DYNLT5: variants seen among roughly 807,000 people sequenced by gnomAD.
DYNLT5 encodes dynein light chain Tctex-type family member 5.
Under a neutral mutation model 19.3 loss-of-function variants are expected in DYNLT5, and 25 were observed. The observed-to-expected ratio is 1.30, with a 90% CI of 0.95 to 1.81. The LOEUF (loss-of-function observed/expected upper bound fraction) is 1.81, where lower values mean the gene tolerates loss of function less well. Ranked by LOEUF, DYNLT5 falls within the 40% of genes most tolerant of loss-of-function variation. DYNLT5 has a pLI of 0.00. For synonymous variants in DYNLT5, 82 were observed against 68.9 expected (o/e 1.19, Z -0.94); for missense variants, 232 against 217.9 (o/e 1.06, Z -0.41).
rs775360036 is a variant in DYNLT5 at position 66,754,721 on chromosome 1, T to G, written c.63T>G (p.Ile21Met). ...AAHSWKKRGS[I>M]SSLSNHEFWR... is the part of the protein sequence containing the mutation. The stretch of plus-strand genomic sequence containing the variant: ...ATTCATGGAAGAAAAGAGGGAGTAT[T>G]TCTTCTCTAAGTAATCATGAATTTT... The change falls in exon 2 of 5, where the codon ATT becomes ATG. Residue 21 changes from isoleucine to methionine, a missense_variant. By Grantham distance (10) the Ile-to-Met change is conservative. Transcript: ENST00000282670. 6.2e-7 allele frequency: 1 copy of G among 1,613,400 alleles called. No homozygotes were observed. Among genetic ancestry groups the G allele is most frequent in the Non-Finnish European group, 8.5e-7 (1 of 1,179,806 alleles).
chr1:66,754,960 G>A (rs1305780931), intron 2 of DYNLT5, among the ~76,000 whole-genome samples, 183 bp downstream of exon 2: 4 of 152,104 alleles, frequency 2.6e-5, no homozygotes, highest in African/African-American at 7.2e-5. Flanking sequence ...TAAGTGATAA[G>A]TTAATCCTAG....
intron 3 of DYNLT5, among the ~76,000 whole-genome samples, chr1:66,773,268 G>A (rs1021035142): frequency 6.6e-6 from 1 of 152,078 alleles, no homozygotes; most frequent in African/African-American, 2.4e-5. Context: ...AAGACAGCCT[G>A]CCTTGAGAAT....
At chr1:66,757,174 T>G (rs1257210760) in intron 2 of DYNLT5, among the ~76,000 whole-genome samples, 3 of 152,140 alleles carry the variant, frequency 2.0e-5, no homozygotes, top group Non-Finnish European at 2.9e-5. Context: ...ACATGAAGAG[T>G]AAAGGTAGAC....
At chr1:66,771,696 G>C (rs1645205071) in intron 3 of DYNLT5, among the ~76,000 whole-genome samples, 1 of 152,162 alleles carries the variant, frequency 6.6e-6, no homozygotes, top group Admixed American at 6.5e-5. Context: ...AGCTAAGTTT[G>C]GGTCAGGTTT....
chr1:66,776,230 G>A (rs1197164186), intron 3 of DYNLT5, 49 bp from the exon 4 acceptor site: 7 of 1,596,296 alleles, frequency 4.4e-6, no homozygotes, highest in Non-Finnish European at 4.3e-6. Context: ...GGGTGGGTGG[G>A]TGTGATTTGA....
At chr1:66,756,162 T>A (rs1488865570) in intron 2 of DYNLT5, among the ~76,000 whole-genome samples, 1 of 152,182 alleles carries the variant, frequency 6.6e-6, no homozygotes, top group Non-Finnish European at 1.5e-5. Context: ...ATCAACACAT[T>A]AGGATAGATT....
chr1:66,755,507 T>A (rs2094634626), intron 2 of DYNLT5, among the ~76,000 whole-genome samples: 1 of 152,172 alleles, frequency 6.6e-6, no homozygotes, highest in South Asian at 2.1e-4. Flanking sequence ...TAGACTTTCG[T>A]TCTTAGTTTC....
At position 66,752,573 on chromosome 1, in the gene DYNLT5, T is replaced by C. The variant is rs2094627275; in HGVS notation, c.-15T>C. The C allele has an allele frequency of 1.0e-6, 1 of 985,368 alleles. No individual in the cohort carries two copies. Among genetic ancestry groups the C allele is most frequent in the Non-Finnish European group, 1.2e-6 (1 of 829,976 alleles). 61.0% of individuals were successfully genotyped at this position (985,368 alleles called of 1,614,324 possible). On this transcript the variant is annotated 5_prime_UTR_variant, in exon 1 of 5. Transcript: ENST00000282670. ...GGTCTGGGAGGCTCCGGGCGAAGCCTCCCTGCTGCAGGTAGGGTCGCCTCT... is the reference window on the plus strand; with the variant it reads ...GGTCTGGGAGGCTCCGGGCGAAGCCCCCCTGCTGCAGGTAGGGTCGCCTCT...
intron 4 of DYNLT5, 57 bp downstream of exon 4, chr1:66,776,460 A>C: frequency 1.1e-5 from 17 of 1,535,220 alleles, no homozygotes; most frequent in Non-Finnish European, 1.4e-5. Flanking sequence ...GCTAAAGTAC[A>C]ACGGACCCTC....
chr1:66,777,355 A>T lies in DYNLT5; in HGVS notation c.441A>T (p.Arg147Ser). Reference sequence around the variant, plus strand: ...GGCAGAGCATACTTATTGGAAGCAGATGCCTCTGGGATCCTAAAAGTGATA... The same window carrying T: ...GGCAGAGCATACTTATTGGAAGCAGTTGCCTCTGGGATCCTAAAAGTGATA... ...LNRQSILIGS[R>S]CLWDPKSDTF... The change falls in exon 5 of 5, where the codon AGA becomes AGT. Residue 147 changes from arginine to serine, a missense_variant. Transcript: ENST00000282670. 1.2e-6 allele frequency: 2 copies of T among 1,614,012 alleles called. No homozygotes were observed. Among genetic ancestry groups the T allele is most frequent in the Non-Finnish European group, 1.7e-6 (2 of 1,179,924 alleles).
Position 66,757,695 on chromosome 1 carries a change from A to G in DYNLT5, c.119+2918A>G, listed in dbSNP as rs535336166. Among the ~76,000 whole-genome samples the G allele has an allele frequency of 9.2e-5, 14 of 152,290 alleles. No homozygotes were observed. The South Asian group carries it at 2.9e-3, about 32-fold the overall frequency. ...GATGAACCTTATTTATGTATCATAG[A>G]AGCTCCATAATAGGAGTTGGCAAAC... On this transcript the variant is annotated intron_variant, in intron 2 of 4. Coordinates refer to ENST00000282670, the MANE Select transcript of DYNLT5 (RefSeq NM_152665.3).
chr1:66,769,141 G>T (rs1645186778), intron 2 of DYNLT5, among the ~76,000 whole-genome samples: 1 of 152,090 alleles, frequency 6.6e-6, no homozygotes, highest in Non-Finnish European at 1.5e-5. Flanking sequence ...AGCCAGTGTG[G>T]CCAAACAGGC....
intron 3 of DYNLT5, among the ~76,000 whole-genome samples, chr1:66,775,930 T>G (rs1037690261): frequency 6.6e-6 from 1 of 152,064 alleles, no homozygotes; most frequent in African/African-American, 2.4e-5. Flanking sequence ...ATCTGGTAGA[T>G]AGATTGGAGC....
chr1:66,767,920 C>A (rs1423984268), intron 2 of DYNLT5, among the ~76,000 whole-genome samples: 2 of 152,136 alleles, frequency 1.3e-5, no homozygotes, highest in Non-Finnish European at 2.9e-5. Context: ...ACTCATAAGC[C>A]ACATAGGCCA....
At chr1:66,764,715 A>T (rs565905436) in intron 2 of DYNLT5, among the ~76,000 whole-genome samples, 1 of 152,376 alleles carries the variant, frequency 6.6e-6, no homozygotes, top group Admixed American at 6.5e-5. Context: ...GCTCAATGCA[A>T]GGTTGCCACA....
chr1:66,758,814 A>G (rs2094640843), intron 2 of DYNLT5, among the ~76,000 whole-genome samples: 1 of 152,170 alleles, frequency 6.6e-6, no homozygotes, highest in Non-Finnish European at 1.5e-5. Context: ...AACAGTAATG[A>G]ATTTATTCTA....
chr1:66,756,459 A>G (rs1041133289), intron 2 of DYNLT5, among the ~76,000 whole-genome samples: 1 of 152,224 alleles, frequency 6.6e-6, no homozygotes, highest in African/African-American at 2.4e-5. Flanking sequence ...CTTAGTGACT[A>G]TCAAATACAG....
rs2150870346 is a variant in DYNLT5 at position 66,777,533 on chromosome 1, A to G, written c.*79A>G. The G allele has an allele frequency of 1.6e-6, 2 of 1,253,118 alleles. No homozygotes were observed. Among genetic ancestry groups the G allele is most frequent in the Non-Finnish European group, 2.2e-6 (2 of 909,234 alleles). 77.6% of individuals were successfully genotyped at this position (1,253,118 alleles called of 1,614,324 possible). Reference sequence around the variant, plus strand: ...GTCTGTACACAAAAGTTTTACTGCCAAAAACTTTGAGAAAGAAACAACACT... The same window carrying G: ...GTCTGTACACAAAAGTTTTACTGCCGAAAACTTTGAGAAAGAAACAACACT... On this transcript the variant is annotated 3_prime_UTR_variant, in exon 5 of 5. Coordinates refer to ENST00000282670, the MANE Select transcript of DYNLT5 (RefSeq NM_152665.3).
chr1:66,777,022 A>G (rs1645239959), intron 4 of DYNLT5, among the ~76,000 whole-genome samples: 2 of 152,200 alleles, frequency 1.3e-5, no homozygotes, highest in South Asian at 4.1e-4. Context: ...TATTTCATGT[A>G]TCTTAGAAAA....
Sources: allele counts gnomAD v4.1 joint callset (sites outside exome capture counted in the v4.1 genomes callset), GRCh38; gene constraint gnomAD v4.1.1; transcripts MANE v1.5; gene names NCBI Gene and HGNC (gene_info 2026-07-23, HGNC 2026-07-21).